The following TBC1D15 variants were observed in gnomAD, a reference collection of about 807,000 sequenced individuals.
TBC1D15 encodes GAP for RAB7.
TBC1D15 carries 39 observed loss-of-function variants against 95.4 expected under a neutral mutation model. That is an observed-to-expected ratio of 0.41 (90% CI 0.32 to 0.53). The LOEUF (loss-of-function observed/expected upper bound fraction) is 0.53. TBC1D15 is among the 20% of genes least tolerant of loss of function. The probability of loss-of-function intolerance (pLI) is 0.29; values close to 1 mark genes in which losing one functional copy is unlikely to be tolerated. For missense variants in TBC1D15, 733 were observed against 794.3 expected (o/e 0.92, Z 0.93); for synonymous variants, 258 against 261.3 (o/e 0.99, Z 0.12).
At chr12:71,855,334 C>G (rs1304920585) in intron 1 of TBC1D15, among the ~76,000 whole-genome samples, 1 of 152,002 alleles carries the variant, frequency 6.6e-6, no homozygotes, top group Non-Finnish European at 1.5e-5. Flanking sequence ...TGTTTATCAC[C>G]AGTAATTTTT....
At chr12:71,907,186 T>G in intron 11 of TBC1D15, 48 bp downstream of exon 11, 1 of 1,178,060 alleles carries the variant, frequency 8.5e-7, no homozygotes, top group Non-Finnish European at 1.2e-6. Context: ...TATATTTACT[T>G]TAGAGTTTAC....
intron 1 of TBC1D15, among the ~76,000 whole-genome samples, chr12:71,852,198 G>C (rs1362531496): frequency 6.6e-6 from 1 of 152,222 alleles, no homozygotes; most frequent in African/African-American, 2.4e-5. Context: ...CCAGCAGCCT[G>C]AGCTTTACCT....
chr12:71,888,191 A>T lies in TBC1D15; in HGVS notation c.554+3170A>T, dbSNP rs145230348. Among the ~76,000 whole-genome samples the T allele has an allele frequency of 3.3e-5, 5 of 152,338 alleles. No homozygotes were observed. In the East Asian group the frequency reaches 9.7e-4, roughly 29 times the overall value. On this transcript the variant is annotated intron_variant, in intron 5 of 16. Transcript: ENST00000485960. Reference sequence around the variant, plus strand: ...TTGTAAACAAATGAGAAGTATGAGAATCAGAGATGGGGATGGGCACACTGG... The same window carrying T: ...TTGTAAACAAATGAGAAGTATGAGATTCAGAGATGGGGATGGGCACACTGG...
chr12:71,901,518 G>A (rs1899394571), intron 10 of TBC1D15, among the ~76,000 whole-genome samples: 1 of 152,026 alleles, frequency 6.6e-6, no homozygotes, highest in African/African-American at 2.4e-5. Context: ...GATAAATTTA[G>A]GGGTCATCAA....
intron 1 of TBC1D15, among the ~76,000 whole-genome samples, chr12:71,858,066 A>C (rs1592707281): frequency 6.7e-6 from 1 of 150,012 alleles, no homozygotes; most frequent in Non-Finnish European, 1.5e-5. Flanking sequence ...TATATGCAAC[A>C]TTTTCTTTCT....
chr12:71,858,272 A>G (rs1397189735), intron 1 of TBC1D15, among the ~76,000 whole-genome samples: 2 of 151,948 alleles, frequency 1.3e-5, no homozygotes, highest in South Asian at 2.1e-4. Flanking sequence ...GGGTTTCTCC[A>G]TGTTGATCAG....
chr12:71,849,722 G>A, intron 1 of TBC1D15: 2 of 551,110 alleles, frequency 3.6e-6, no homozygotes, highest in Non-Finnish European at 3.5e-6. Context: ...CAAAGACTCG[G>A]GGGTCACTCC....
chr12:71,861,472 T>C, intron 1 of TBC1D15: 1 of 1,536,274 alleles, frequency 6.5e-7, no homozygotes. Flanking sequence ...CATACTCCAG[T>C]TTGTTGGAGT....
intron 10 of TBC1D15, among the ~76,000 whole-genome samples, chr12:71,906,709 A>G (rs141783344): frequency 1.3e-5 from 2 of 152,066 alleles, no homozygotes; most frequent in Non-Finnish European, 2.9e-5. Flanking sequence ...TTGCTAATGC[A>G]AATTATTACT....
intron 10 of TBC1D15, among the ~76,000 whole-genome samples, chr12:71,902,113 A>AT (rs1899525115): frequency 6.6e-6 from 1 of 152,336 alleles, no homozygotes; most frequent in East Asian, 1.9e-4. Context: ...ATAGAAAAAC[A>AT]TTCCATACCA....
chr12:71,892,295 C>T lies in TBC1D15; in HGVS notation c.555-927C>T, dbSNP rs139254692. Among the ~76,000 whole-genome samples the T allele has an allele frequency of 4.9e-3, 744 of 152,144 alleles. 9 individuals are homozygous for T. The highest frequency in any genetic ancestry group is 0.017 in the African/African-American group (691 of 41,544). ...TCCTGTTTTGGATTTCATATCCACT[C>T]TAGCATTACTGTTACATCCTGTTAT... On this transcript the variant is annotated intron_variant, in intron 5 of 16. Coordinates refer to ENST00000485960, the MANE Select transcript of TBC1D15 (RefSeq NM_001146213.3).
intron 11 of TBC1D15, 182 bp from the exon 12 acceptor site, chr12:71,913,640 TCTTA>T (rs776829343): frequency 4.0e-5 from 20 of 495,582 alleles, no homozygotes; most frequent in African/African-American, 1.2e-4. Context: ...AACTCATCTT[TCTTA>T]CTTATGACTA....
chr12:71,847,409 C>T (rs780554124), intron 1 of TBC1D15, among the ~76,000 whole-genome samples: 1 of 151,676 alleles, frequency 6.6e-6, no homozygotes, highest in African/African-American at 2.4e-5. Context: ...CAAATAATAT[C>T]CATTGGGCCA....
chr12:71,901,600 G>A (rs1268204681), intron 10 of TBC1D15, among the ~76,000 whole-genome samples: 1 of 151,906 alleles, frequency 6.6e-6, no homozygotes, highest in Non-Finnish European at 1.5e-5. Context: ...GGCATCAAAG[G>A]TACATAACCT....
intron 11 of TBC1D15, among the ~76,000 whole-genome samples, chr12:71,909,297 G>A (rs1901585698): frequency 6.6e-6 from 1 of 152,182 alleles, no homozygotes; most frequent in African/African-American, 2.4e-5. Flanking sequence ...AACCTGGACT[G>A]TAAATTTACT....
intron 3 of TBC1D15, among the ~76,000 whole-genome samples, chr12:71,878,667 C>A (rs1225264748): frequency 2.0e-5 from 3 of 151,692 alleles, no homozygotes; most frequent in Non-Finnish European, 4.4e-5. Context: ...AGGCACCCCC[C>A]ACCACTCCCG....
intron 1 of TBC1D15, among the ~76,000 whole-genome samples, chr12:71,855,353 T>C (rs117110375): frequency 0.015 from 2,241 of 152,252 alleles, 29 homozygotes; most frequent in Non-Finnish European, 0.021. Flanking sequence ...TTAGCATTTT[T>C]GTTGTAAAAA....
intron 1 of TBC1D15, among the ~76,000 whole-genome samples, chr12:71,865,494 G>A (rs1181312594): frequency 6.6e-6 from 1 of 152,180 alleles, no homozygotes; most frequent in Non-Finnish European, 1.5e-5. Context: ...CCTTGGGATG[G>A]TGGGGCTTGG....
At chr12:71,849,387 G>T (rs1042583164) in intron 1 of TBC1D15, 1 of 1,389,660 alleles carries the variant, frequency 7.2e-7, no homozygotes, top group Non-Finnish European at 1.0e-6. Flanking sequence ...GGCGCCTCCA[G>T]CTGAGCCACT....
Sources: gnomAD v4.1 joint callset for allele counts (sites outside exome capture counted in the v4.1 genomes callset) on GRCh38, gnomAD v4.1.1 for gene constraint, MANE v1.5 for transcripts, NCBI Gene and HGNC (gene_info 2026-07-23, HGNC 2026-07-21) for gene names.